The following ATP6V0D2 variants were observed in gnomAD, a reference collection of about 807,000 sequenced individuals.
ATP6V0D2 encodes the protein V-type proton ATPase subunit d 2.
In ATP6V0D2, 40 loss-of-function variants were observed where a neutral mutation model predicts 40.0. The observed-to-expected ratio is 1.00, with a 90% CI of 0.78 to 1.30. The LOEUF (loss-of-function observed/expected upper bound fraction) is 1.30. Ranked by LOEUF, ATP6V0D2 falls within the 50% of genes most tolerant of loss-of-function variation. ATP6V0D2 has a pLI of 0.00. For synonymous variants in ATP6V0D2, 179 were observed against 156.3 expected (o/e 1.15, Z -1.08); for missense variants, 470 against 423.1 (o/e 1.11, Z -0.97).
chr8:86,131,980 G>A (rs1818831440), intron 2 of ATP6V0D2, among the ~76,000 whole-genome samples: 1 of 152,100 alleles, frequency 6.6e-6, no homozygotes, highest in Non-Finnish European at 1.5e-5. Context: ...ATTATAAGAT[G>A]ACCACTTTCC....
Position 86,153,017 on chromosome 8 carries a change from A to T in ATP6V0D2, c.*40A>T. The T allele has an allele frequency of 6.7e-7, 1 of 1,497,018 alleles. No homozygotes were observed. 92.7% of individuals were successfully genotyped at this position (1,497,018 alleles called of 1,614,324 possible). A position where few individuals can be genotyped will look rare whatever the true frequency, so the allele number is the denominator to read the frequency against. On this transcript the variant is annotated 3_prime_UTR_variant, in exon 8 of 8. Transcript: ENST00000285393. ...TCAAATGTAGAAAATTATAAATGTT[A>T]AAAGGAAGTTATTGAAGAAAATAAA...
At chr8:86,109,326 G>A (rs1818506206) in intron 1 of ATP6V0D2, among the ~76,000 whole-genome samples, 1 of 152,122 alleles carries the variant, frequency 6.6e-6, no homozygotes, top group Non-Finnish European at 1.5e-5. Context: ...AACTCATTTT[G>A]AAAAGTATAA....
In ATP6V0D2 at chr8:86,139,397, T is replaced by TG. The variant is rs1329307926; in HGVS notation, c.303-57dup. ...CTAAAGAGTGTGTGTTTTTTACTTG[T>TG]GGGATGCTTCTTATCCTTTTGCAGC... On this transcript the variant is annotated intron_variant, in intron 2 of 7. Coordinates refer to ENST00000285393, the MANE Select transcript of ATP6V0D2 (RefSeq NM_152565.1). The TG allele has an allele frequency of 2.1e-6, 3 of 1,430,730 alleles. No individual in the cohort carries two copies. The East Asian group carries it at 6.9e-5, about 33-fold the overall frequency. 88.6% of individuals were successfully genotyped at this position (1,430,730 alleles called of 1,614,324 possible).
chr8:86,138,991 G>A (rs989477932), intron 2 of ATP6V0D2, among the ~76,000 whole-genome samples: 1 of 152,152 alleles, frequency 6.6e-6, no homozygotes, highest in African/African-American at 2.4e-5. Context: ...ATTTTGGGAG[G>A]CCAAGGCGGG....
At chr8:86,111,528 G>A (rs890639628) in intron 1 of ATP6V0D2, among the ~76,000 whole-genome samples, 1 of 152,134 alleles carries the variant, frequency 6.6e-6, no homozygotes, top group Admixed American at 6.6e-5. Flanking sequence ...GCTATTGTGA[G>A]CAATGTTATA....
intron 1 of ATP6V0D2, among the ~76,000 whole-genome samples, chr8:86,100,596 A>G (rs928268533): frequency 1.3e-5 from 2 of 152,234 alleles, no homozygotes; most frequent in Admixed American, 1.3e-4. Context: ...AACCTTTTAG[A>G]TAACTAATTC....
intron 2 of ATP6V0D2, among the ~76,000 whole-genome samples, chr8:86,117,457 A>G (rs957783990): frequency 1.3e-5 from 2 of 152,340 alleles, no homozygotes; most frequent in South Asian, 2.1e-4. Flanking sequence ...TTCTGTAAGT[A>G]AGCAAGTAGA....
chr8:86,129,982 GAAAAA>G (rs869058078), intron 2 of ATP6V0D2, among the ~76,000 whole-genome samples: 1 of 92,920 alleles, frequency 1.1e-5, no homozygotes, highest in Non-Finnish European at 2.2e-5. Flanking sequence ...GTCTCGAAAA[GAAAAA>G]AAAAAAAAAA....
At chr8:86,139,243 A>G (rs1373672545) in intron 2 of ATP6V0D2, among the ~76,000 whole-genome samples, 3 of 151,524 alleles carry the variant, frequency 2.0e-5, no homozygotes, top group Non-Finnish European at 4.4e-5. Context: ...AAAAAAAAAA[A>G]AGAATATTGA....
chr8:86,121,543 C>A (rs1339833049), intron 2 of ATP6V0D2, among the ~76,000 whole-genome samples: 1 of 149,868 alleles, frequency 6.7e-6, no homozygotes, highest in Non-Finnish European at 1.5e-5. Context: ...GCACTCCAGC[C>A]TGGGTGACAG....
intron 2 of ATP6V0D2, among the ~76,000 whole-genome samples, chr8:86,124,045 T>C (rs1818708161): frequency 6.6e-6 from 1 of 152,170 alleles, no homozygotes; most frequent in African/African-American, 2.4e-5. Flanking sequence ...TAATATGAAA[T>C]TGGCTTTTTG....
At chr8:86,132,286 G>A (rs1043618554) in intron 2 of ATP6V0D2, among the ~76,000 whole-genome samples, 1 of 152,128 alleles carries the variant, frequency 6.6e-6, no homozygotes, top group Non-Finnish European at 1.5e-5. Flanking sequence ...TAATGATCAG[G>A]TCAGGGTATC....
At chr8:86,139,763 A>G in intron 3 of ATP6V0D2, 128 bp downstream of exon 3, 1 of 882,784 alleles carries the variant, frequency 1.1e-6, no homozygotes, top group South Asian at 1.9e-5. Flanking sequence ...TTTTCCATGA[A>G]TACAGTAGCA....
At chr8:86,148,053 T>A (rs1298701417) in intron 5 of ATP6V0D2, among the ~76,000 whole-genome samples, 6 of 152,222 alleles carry the variant, frequency 3.9e-5, no homozygotes, top group Non-Finnish European at 4.4e-5. Flanking sequence ...TGGCCTGGAC[T>A]CTGCTGTTTG....
chr8:86,128,475 A>G (rs764099408), intron 2 of ATP6V0D2, among the ~76,000 whole-genome samples: 23 of 152,246 alleles, frequency 1.5e-4, no homozygotes, highest in Admixed American at 4.6e-4. Context: ...ATGTTCTCTC[A>G]GGCCCAAAGG....
At chr8:86,121,004 T>C (rs117682478) in intron 2 of ATP6V0D2, among the ~76,000 whole-genome samples, 1,828 of 152,320 alleles carry the variant, frequency 0.012, 17 homozygotes, top group Middle Eastern at 0.071. Flanking sequence ...ACCCAGGTTA[T>C]ACTGAGGTGC....
intron 2 of ATP6V0D2, among the ~76,000 whole-genome samples, chr8:86,129,504 T>C (rs1162479974): frequency 6.6e-6 from 1 of 151,186 alleles, no homozygotes; most frequent in Admixed American, 6.6e-5. Context: ...AGGGAGACCC[T>C]GTCTCTATAA....
intron 2 of ATP6V0D2, among the ~76,000 whole-genome samples, chr8:86,118,424 C>T (rs1190573683): frequency 1.3e-5 from 2 of 151,890 alleles, no homozygotes; most frequent in African/African-American, 4.8e-5. Flanking sequence ...TTGTTGGTAT[C>T]TGCAAGGCCC....
intron 5 of ATP6V0D2, among the ~76,000 whole-genome samples, chr8:86,145,218 A>G (rs369015158): frequency 4.1e-5 from 1 of 24,376 alleles, no homozygotes; most frequent in Admixed American, 4.0e-4. Context: ...AAAGAAAGAA[A>G]GAAAGAAAGA....
Sources: gnomAD v4.1 joint callset for allele counts (sites outside exome capture counted in the v4.1 genomes callset) on GRCh38, gnomAD v4.1.1 for gene constraint, MANE v1.5 for transcripts, NCBI Gene and HGNC (gene_info 2026-07-23, HGNC 2026-07-21) for gene names.